COL4A3: variants seen among roughly 807,000 people sequenced by gnomAD.
The protein encoded by COL4A3 is collagen type IV alpha 3 chain, also known as collagen alpha-3(IV) chain.
In COL4A3, 135 loss-of-function variants were observed where a neutral mutation model predicts 217.4. The ratio of observed to expected loss-of-function variants is 0.62; its 90% CI spans 0.54 to 0.72. The LOEUF (loss-of-function observed/expected upper bound fraction) is 0.72, where lower values mean the gene tolerates loss of function less well. Ranked by LOEUF, COL4A3 falls within the 30% of genes least tolerant of loss-of-function variation. COL4A3 has a pLI of 0.00. For synonymous variants in COL4A3, 690 were observed against 736.3 expected (o/e 0.94, Z 1.02); for missense variants, 1,868 against 2,119.9 (o/e 0.88, Z 2.33).
intron 1 of COL4A3, among the ~76,000 whole-genome samples, chr2:227,225,608 C>CTTT (rs2125838154): frequency 6.6e-6 from 1 of 150,506 alleles, no homozygotes; most frequent in South Asian, 2.1e-4. Context: ...CAGGCCAAAG[C>CTTT]AAGTGAGAAA....
rs534505978 is a variant in COL4A3, at chr2:227,311,690, T to C, written c.4929-96T>C. On this transcript the variant is annotated intron_variant, in intron 51 of 51. Coordinates refer to ENST00000396578, the MANE Select transcript of COL4A3 (RefSeq NM_000091.5). ...ACCACGCCCGACCCTGTAATAAATTTCAAAATAGCAAAAATATTCATTAAT... is the reference window on the plus strand; with the variant it reads ...ACCACGCCCGACCCTGTAATAAATTCCAAAATAGCAAAAATATTCATTAAT... The C allele has an allele frequency of 4.7e-5, 61 of 1,311,790 alleles. No individual in the cohort carries two copies. The South Asian group carries it at 6.1e-4, about 13-fold the overall frequency. The allele number at this position is 1,311,790 out of a possible 1,614,324, so 81.3% of individuals were successfully genotyped here.
intron 1 of COL4A3, among the ~76,000 whole-genome samples, chr2:227,234,991 G>A (rs968642244): frequency 4.6e-5 from 7 of 152,114 alleles, no homozygotes; most frequent in African/African-American, 1.4e-4. Flanking sequence ...GGCTTCCTCC[G>A]TGCACACTTG....
At chr2:227,193,801 GGGAGGGAGGGAGGGAAGGA>G (rs2066347870) in intron 1 of COL4A3, among the ~76,000 whole-genome samples, 18 of 54,476 alleles carry the variant, frequency 3.3e-4, no homozygotes, top group East Asian at 1.7e-3. Context: ...AGGAAGGAAG[GGGAGGGAGGGAGGGAAGGA>G]AAGGAAGGAA....
intron 1 of COL4A3, among the ~76,000 whole-genome samples, chr2:227,224,981 AGCTCACTGTGG>A (rs1238811971): frequency 4.6e-5 from 7 of 152,134 alleles, no homozygotes; most frequent in African/African-American, 1.7e-4. Context: ...GCGCGATTAC[AGCTCACTGTGG>A]CCTCAACCTC....
At chr2:227,278,488 T>G (rs1294743501) in intron 28 of COL4A3, among the ~76,000 whole-genome samples, 1 of 152,248 alleles carries the variant, frequency 6.6e-6, no homozygotes, top group Non-Finnish European at 1.5e-5. Flanking sequence ...CATCAGTGTT[T>G]ATTATACATT....
At position 227,303,043 on chromosome 2, in the gene COL4A3, A is replaced by G; in HGVS notation, c.3888A>G (p.Ala1296=). The part of the protein sequence containing the change: ...GDMGPPGRLG[A]PGTPGLPGPR... ...TCCCTTTATTTGAAATATAGGGAGC[A>G]CCAGGTACTCCAGGTCTTCCAGGAC... Residue 1296 remains alanine (A), a synonymous_variant, in exon 44 of 52, where the codon GCA becomes GCG. Coordinates refer to ENST00000396578, the MANE Select transcript of COL4A3 (RefSeq NM_000091.5). 6.2e-7 allele frequency: 1 copy of G among 1,612,458 alleles called. No homozygotes were observed.
intron 28 of COL4A3, among the ~76,000 whole-genome samples, chr2:227,278,166 G>A (rs1311921782): frequency 6.6e-6 from 1 of 151,268 alleles, no homozygotes; most frequent in Non-Finnish European, 1.5e-5. Flanking sequence ...ATCACAAATG[G>A]CTGATTTTCC....
At chr2:227,177,188 A>T (rs905122216) in intron 1 of COL4A3, among the ~76,000 whole-genome samples, 1 of 139,776 alleles carries the variant, frequency 7.2e-6, no homozygotes, top group Admixed American at 7.6e-5. Context: ...CTTGCTCTGT[A>T]ACCCAGGCTG....
chr2:227,267,670 T>C (rs1168990830), intron 23 of COL4A3, among the ~76,000 whole-genome samples: 5 of 152,126 alleles, frequency 3.3e-5, no homozygotes, highest in Non-Finnish European at 7.4e-5. Context: ...CTGTGCAACA[T>C]GTCAGGCCCT....
intron 1 of COL4A3, among the ~76,000 whole-genome samples, chr2:227,231,779 G>T (rs1259894251): frequency 6.6e-6 from 1 of 152,158 alleles, no homozygotes; most frequent in East Asian, 1.9e-4. Flanking sequence ...TGATCCACCT[G>T]CCTTGGCCTC....
intron 3 of COL4A3, among the ~76,000 whole-genome samples, chr2:227,243,227 C>A (rs997322501): frequency 2.0e-5 from 3 of 152,076 alleles, no homozygotes; most frequent in Non-Finnish European, 4.4e-5. Flanking sequence ...ATCCAGAAAA[C>A]CTGAGTACCA....
intron 1 of COL4A3, among the ~76,000 whole-genome samples, chr2:227,168,691 T>C (rs2065363175): frequency 6.6e-6 from 1 of 152,122 alleles, no homozygotes; most frequent in African/African-American, 2.4e-5. Flanking sequence ...AATTTTTTTT[T>C]CCTTTCCTGG....
At chr2:227,233,866 C>T (rs930719567) in intron 1 of COL4A3, among the ~76,000 whole-genome samples, 4 of 152,106 alleles carry the variant, frequency 2.6e-5, no homozygotes, top group Non-Finnish European at 4.4e-5. Flanking sequence ...GTGATAGCCA[C>T]TTGTTGACAT....
At chr2:227,192,514 C>T (rs184744183) in intron 1 of COL4A3, among the ~76,000 whole-genome samples, 46 of 152,222 alleles carry the variant, frequency 3.0e-4, no homozygotes, top group African/African-American at 1.0e-3. Flanking sequence ...AAATGTGAAC[C>T]CCTGTCCCAC....
chr2:227,206,375 C>T (rs534650372), intron 1 of COL4A3, among the ~76,000 whole-genome samples: 1 of 152,098 alleles, frequency 6.6e-6, no homozygotes, highest in Admixed American at 6.6e-5. Context: ...GCCCCGCCCC[C>T]TCAGGTGATT....
At position 227,204,941 on chromosome 2, in the gene COL4A3, T is replaced by C. The variant is rs140280562; in HGVS notation, c.88-33027T>C. On this transcript the variant is annotated intron_variant, in intron 1 of 51. Transcript: ENST00000396578. Reference sequence around the variant, plus strand: ...GGCACATACATAATACATGAAGTTGTGTGCAGGTGCAACAGCGGTGATGGA... The same window carrying C: ...GGCACATACATAATACATGAAGTTGCGTGCAGGTGCAACAGCGGTGATGGA... Among the ~76,000 whole-genome samples, 514 of 152,352 alleles carry C rather than the reference T, an allele frequency of 3.4e-3. 2 individuals are homozygous for C. The highest frequency in any genetic ancestry group is 5.6e-3 in the Non-Finnish European group (380 of 68,028).
At chr2:227,296,187 A>G (rs1448724880) in intron 41 of COL4A3, 1 of 152,204 alleles carries the variant, frequency 6.6e-6, no homozygotes, top group Non-Finnish European at 1.5e-5. Flanking sequence ...TTTGTTTCTT[A>G]CTGGTTTGAT....
chr2:227,234,177 G>A (rs2068564108), intron 1 of COL4A3, among the ~76,000 whole-genome samples: 1 of 152,060 alleles, frequency 6.6e-6, no homozygotes, highest in African/African-American at 2.4e-5. Context: ...ATGTGTATGT[G>A]GAGAGAGAGA....
At position 227,293,213 on chromosome 2, in the gene COL4A3, A is replaced by G. The variant is rs766520935; in HGVS notation, c.3233A>G (p.Asp1078Gly). The change falls in exon 38 of 52, where the codon GAT becomes GGT. Residue 1078 changes from aspartate (D) to glycine (G), a missense_variant. Physicochemically the swap from Asp to Gly is moderately conservative, Grantham distance 94. Around this residue, in one of 2 missense-constraint regions of COL4A3, gnomAD observed 1,503 missense variants for 1,786.1 expected, o/e 0.84. Transcript: ENST00000396578. The stretch of plus-strand genomic sequence containing the variant: ...AAGGGGGATCCAGGACTGCCGGGTG[A>G]TATGGGAAAGAAAGGAGAAATGGGG... ...GPTGDPGLPG[D>G]MGKKGEMGQP... is the part of the protein sequence containing the mutation. 1 of 1,613,978 alleles carries G rather than the reference A, an allele frequency of 6.2e-7. No homozygotes were observed. The highest frequency in any genetic ancestry group is 8.5e-7 in the Non-Finnish European group (1 of 1,180,032).
Sources: allele counts gnomAD v4.1 joint callset (sites outside exome capture counted in the v4.1 genomes callset), GRCh38; gene constraint gnomAD v4.1.1; regional missense constraint gnomAD v4.1.1; transcripts MANE v1.5; gene names NCBI Gene and HGNC (gene_info 2026-07-23, HGNC 2026-07-21).